The following STAT5B variants were observed in gnomAD, a reference collection of about 807,000 sequenced individuals.
The protein encoded by STAT5B is transcription factor STAT5B.
In STAT5B, 21 loss-of-function variants were observed where a neutral mutation model predicts 107.8. That is an observed-to-expected ratio of 0.19 (90% CI 0.14 to 0.28). STAT5B has a LOEUF of 0.28. STAT5B is among the 10% of genes least tolerant of loss of function. STAT5B has a pLI of 1.00. For synonymous variants in STAT5B, 325 were observed against 401.7 expected (o/e 0.81, Z 2.28); for missense variants, 565 against 1,008.2 (o/e 0.56, Z 5.95).
chr17:42,268,111 T>C (rs1433852096), intron 1 of STAT5B, among the ~76,000 whole-genome samples: 1 of 152,210 alleles, frequency 6.6e-6, no homozygotes, highest in Non-Finnish European at 1.5e-5. Flanking sequence ...AGTAATGTCC[T>C]AGGCCTTCAC....
intron 1 of STAT5B, among the ~76,000 whole-genome samples, chr17:42,244,092 CT>C (rs201312693): frequency 0.33 from 45,691 of 140,420 alleles, 7,270 homozygotes; most frequent in African/African-American, 0.44. Context: ...CTTTTCTTTT[CT>C]TTTTTTTTTT....
intron 1 of STAT5B, among the ~76,000 whole-genome samples, chr17:42,266,327 A>C (rs76405886): frequency 0.047 from 7,094 of 151,988 alleles, 510 homozygotes; most frequent in African/African-American, 0.16. Flanking sequence ...CAGGACTTTG[A>C]GACCAGCCCG....
At chr17:42,254,247 G>A (rs771562764) in intron 1 of STAT5B, among the ~76,000 whole-genome samples, 30 of 152,060 alleles carry the variant, frequency 2.0e-4, no homozygotes, top group Non-Finnish European at 3.7e-4. Context: ...AGGCGTGCTG[G>A]TATGTACCTG....
Position 42,201,527 on chromosome 17 carries a change from C to CAA in STAT5B, c.*210_*211insTT, listed in dbSNP as rs2080043602. 1 of 451,888 alleles carries CAA rather than the reference C, an allele frequency of 2.2e-6. No individual in the cohort carries two copies. Among genetic ancestry groups the CAA allele is most frequent in the Admixed American group, 2.8e-5 (1 of 36,002 alleles). The allele number at this position is 451,888 out of a possible 1,614,324, so 28.0% of individuals were successfully genotyped here. ...AAACACCATAACGTGCAAACACGCA[C>CAA]ACACACACACACACACACACACACA... is the stretch of plus-strand genomic sequence containing the variant. On this transcript the variant is annotated 3_prime_UTR_variant, in exon 19 of 19. Coordinates refer to ENST00000293328, the MANE Select transcript of STAT5B (RefSeq NM_012448.4).
the STAT5B span, among the ~76,000 whole-genome samples, chr17:42,287,331 C>CCCCG: frequency 2.6e-5 from 2 of 78,204 alleles, no homozygotes; most frequent in African/African-American, 4.8e-5. Context: ...TGAGAATGCA[C>CCCCG]CCCCCCCAAC....
the STAT5B span, among the ~76,000 whole-genome samples, chr17:42,285,276 G>A: frequency 6.6e-6 from 1 of 152,026 alleles, no homozygotes; most frequent in Admixed American, 6.6e-5. Context: ...ATTTTTAGTA[G>A]ACACGAGGTT....
intron 2 of STAT5B, among the ~76,000 whole-genome samples, chr17:42,229,411 A>T (rs2080300374): frequency 1.3e-5 from 2 of 151,566 alleles, no homozygotes; most frequent in Non-Finnish European, 2.9e-5. Flanking sequence ...CAGCCTCCCA[A>T]AGTGCTGGGA....
upstream of STAT5B, among the ~76,000 whole-genome samples, chr17:42,280,289 C>T (rs2144460844): frequency 6.6e-6 from 1 of 152,168 alleles, no homozygotes; most frequent in Middle Eastern, 3.4e-3. Context: ...AGTCCACAGC[C>T]CTTGTCCATG....
At chr17:42,282,737 T>A in the STAT5B span, among the ~76,000 whole-genome samples, 4 of 152,286 alleles carry the variant, frequency 2.6e-5, no homozygotes, top group South Asian at 8.3e-4. Context: ...TCACTCAAGA[T>A]CCTACAGCAG....
chr17:42,201,964 G>T, intron 18 of STAT5B, 100 bp from the exon 19 acceptor site: 1 of 1,155,326 alleles, frequency 8.7e-7, no homozygotes, highest in Non-Finnish European at 1.3e-6. Flanking sequence ...GCCAGCCTAT[G>T]CCCTCAGCCT....
In STAT5B at chr17:42,224,793, G is replaced by C; in HGVS notation, c.361C>G (p.Arg121Gly). ...GGGACACTCACATTGTTGGCTTCTC[G>C]GACCAACCTCTGTTCATTGTACAAT... ...HILYNEQRLVREANNGSSPAG... is the reference protein window; with the variant it reads ...HILYNEQRLVGEANNGSSPAG... The change falls in exon 4 of 19, where the codon CGA becomes GGA. Residue 121 changes from arginine to glycine, a missense_variant. By Grantham distance (125) the Arg-to-Gly change is moderately radical (BLOSUM62 -2). Around this residue, in one of 11 missense-constraint regions of STAT5B, gnomAD observed 54 missense variants for 49.7 expected, o/e 1.09. Coordinates refer to ENST00000293328, the MANE Select transcript of STAT5B (RefSeq NM_012448.4). 6.2e-7 allele frequency: 1 copy of C among 1,613,722 alleles called. No individual in the cohort carries two copies. The highest frequency in any genetic ancestry group is 8.5e-7 in the Non-Finnish European group (1 of 1,179,812).
At chr17:42,245,073 A>ATTTTTTTT (rs745914040) in intron 1 of STAT5B, among the ~76,000 whole-genome samples, 5 of 105,476 alleles carry the variant, frequency 4.7e-5, no homozygotes, top group East Asian at 2.7e-4. Context: ...TGCCTGGCTA[A>ATTTTTTTT]TTTTTTTTTT....
At chr17:42,260,668 C>G (rs1035965922) in intron 1 of STAT5B, among the ~76,000 whole-genome samples, 2 of 151,748 alleles carry the variant, frequency 1.3e-5, no homozygotes, top group Non-Finnish European at 2.9e-5. Context: ...TGCTTTGGCT[C>G]CCCAAACTGG....
At chr17:42,275,317 C>T (rs557059141) in intron 1 of STAT5B, 2 of 152,296 alleles carry the variant, frequency 1.3e-5, no homozygotes, top group African/African-American at 4.8e-5. Flanking sequence ...CTGACTCTGG[C>T]TCTTTGGCAA....
At chr17:42,223,049 AAT>A (rs1459270115) in intron 5 of STAT5B, among the ~76,000 whole-genome samples, 1 of 152,148 alleles carries the variant, frequency 6.6e-6, no homozygotes, top group Non-Finnish European at 1.5e-5. Context: ...CTCCACTTAT[AAT>A]ATGCCTACTA....
At chr17:42,286,695 G>C in the STAT5B span, among the ~76,000 whole-genome samples, 1 of 152,180 alleles carries the variant, frequency 6.6e-6, no homozygotes, top group Non-Finnish European at 1.5e-5. Flanking sequence ...CCAGACCTGG[G>C]TGAGAGGACT....
At chr17:42,278,889 G>T (rs187462216), upstream of STAT5B, among the ~76,000 whole-genome samples, 36 of 151,910 alleles carry the variant, frequency 2.4e-4, no homozygotes, top group Non-Finnish European at 4.3e-4. Context: ...TGAGGCAGGA[G>T]AATTGCTTGA....
intron 1 of STAT5B, among the ~76,000 whole-genome samples, chr17:42,263,640 C>T (rs1159528278): frequency 1.3e-5 from 2 of 152,236 alleles, no homozygotes; most frequent in South Asian, 2.1e-4. Flanking sequence ...GATCCTCCTA[C>T]TTCATCTTCC....
chr17:42,201,005 C>A lies in STAT5B; in HGVS notation c.*733G>T, dbSNP rs561454695. On this transcript the variant is annotated 3_prime_UTR_variant, in exon 19 of 19. Coordinates refer to ENST00000293328, the MANE Select transcript of STAT5B (RefSeq NM_012448.4). ...ATTTCTCCAAACATATGTGCACACC[C>A]AGAGGAACTGAGTGGCAATTCCAGG... The A allele has an allele frequency of 6.7e-5, 27 of 401,090 alleles. 1 individual carries two copies. Among genetic ancestry groups the A allele is most frequent in the Admixed American group, 6.4e-4 (15 of 23,310 alleles). The allele number at this position is 401,090 out of a possible 1,614,324, so 24.8% of individuals were successfully genotyped here. A position where few individuals can be genotyped will look rare whatever the true frequency, so the allele number is the denominator to read the frequency against.
Sources: allele counts gnomAD v4.1 joint callset (sites outside exome capture counted in the v4.1 genomes callset), GRCh38; gene constraint gnomAD v4.1.1; regional missense constraint gnomAD v4.1.1; transcripts MANE v1.5; gene names NCBI Gene and HGNC (gene_info 2026-07-23, HGNC 2026-07-21).